Variants in KCNH5 observed in about 807,000 individuals in gnomAD.
KCNH5 encodes the protein potassium voltage-gated channel subfamily H member 5, also known as voltage-gated delayed rectifier potassium channel KCNH5.
A neutral mutation model predicts 96.1 loss-of-function variants in KCNH5; 46 were observed. The observed-to-expected ratio is 0.48, with a 90% CI of 0.38 to 0.61. The LOEUF is 0.61. KCNH5 is among the 20% of genes least tolerant of loss of function. KCNH5 has a pLI of 0.00. For synonymous variants in KCNH5, 439 were observed against 449.8 expected (o/e 0.98, Z 0.30); for missense variants, 907 against 1,225.8 (o/e 0.74, Z 3.88).
At chr14:62,918,420 C>T (rs1889317312) in intron 7 of KCNH5, among the ~76,000 whole-genome samples, 1 of 151,936 alleles carries the variant, frequency 6.6e-6, no homozygotes, top group Non-Finnish European at 1.5e-5. Context: ...TAAATAGTTA[C>T]TAAAATAGGA....
At chr14:62,756,528 C>T (rs931953660) in intron 10 of KCNH5, among the ~76,000 whole-genome samples, 1 of 152,118 alleles carries the variant, frequency 6.6e-6, no homozygotes, top group Non-Finnish European at 1.5e-5. Flanking sequence ...CTGTAGAAAT[C>T]ATATTAACTG....
At chr14:62,981,399 T>A in intron 5 of KCNH5, 135 bp from the exon 6 acceptor site, 2 of 825,818 alleles carry the variant, frequency 2.4e-6, no homozygotes, top group Non-Finnish European at 3.7e-6. Context: ...TGAGTTGTCC[T>A]AAAATTTGTT....
intron 8 of KCNH5, among the ~76,000 whole-genome samples, chr14:62,823,481 C>A (rs1239028450): frequency 6.6e-6 from 1 of 152,022 alleles, no homozygotes; most frequent in Non-Finnish European, 1.5e-5. Flanking sequence ...AAACACCCAG[C>A]AGTCAAATTC....
At chr14:63,026,136 G>A (rs952630587) in intron 1 of KCNH5, among the ~76,000 whole-genome samples, 1 of 152,032 alleles carries the variant, frequency 6.6e-6, no homozygotes. Context: ...TTCAATCAAG[G>A]ATGTTGGGAA....
At chr14:62,948,290 G>C (rs1311142647) in intron 7 of KCNH5, among the ~76,000 whole-genome samples, 1 of 152,084 alleles carries the variant, frequency 6.6e-6, no homozygotes, top group Non-Finnish European at 1.5e-5. Flanking sequence ...ATAAACATAT[G>C]TGTGCATGTG....
At position 62,701,894 on chromosome 14, in the gene KCNH5, A is replaced by G. The variant is rs1884353986; in HGVS notation, c.*5614T>C. 1 of 152,116 alleles carries G rather than the reference A, an allele frequency of 6.6e-6. No individual in the cohort carries two copies. Among genetic ancestry groups the G allele is most frequent in the South Asian group, 2.1e-4 (1 of 4,834 alleles). 9.4% of individuals were successfully genotyped at this position (152,116 alleles called of 1,614,324 possible). On this transcript the variant is annotated 3_prime_UTR_variant, in exon 11 of 11. Transcript: ENST00000322893. ...TTCTAAACAGAAATAGTTCATTTGG[A>G]TAATGTATTTAATAGTGGTTTGGCC...
chr14:63,015,733 A>C (rs1162353962), intron 2 of KCNH5, among the ~76,000 whole-genome samples: 1 of 151,940 alleles, frequency 6.6e-6, no homozygotes, highest in African/African-American at 2.4e-5. Context: ...TGTGGAACCC[A>C]CATATATAAA....
chr14:62,987,214 G>GT, intron 4 of KCNH5, 27 bp from the exon 5 acceptor site: 1 of 1,491,800 alleles, frequency 6.7e-7, no homozygotes, highest in African/African-American at 1.4e-5. Flanking sequence ...GAAAGTCTCA[G>GT]TTTTTCATAC....
At chr14:62,842,292 G>A (rs1887601217) in intron 8 of KCNH5, among the ~76,000 whole-genome samples, 1 of 152,134 alleles carries the variant, frequency 6.6e-6, no homozygotes, top group African/African-American at 2.4e-5. Flanking sequence ...ATAAGCCACT[G>A]GCTGTTATTT....
rs1208059176 is a variant in KCNH5, at chr14:62,932,323, A to T, written c.1369+17810T>A. Among the ~76,000 whole-genome samples, 9 of 152,218 alleles carry T rather than the reference A, an allele frequency of 5.9e-5. No homozygotes were observed. The East Asian group carries it at 1.7e-3, about 29-fold the overall frequency. On this transcript the variant is annotated intron_variant, in intron 7 of 10. Transcript: ENST00000322893. ...TGAAGTGAAAACACAATGCTATGAG[A>T]AGGAACACAGAGAAAAGGCAAGAGC...
rs553282076 is a variant in KCNH5, at chr14:62,905,213, T to A, written c.1369+44920A>T. On this transcript the variant is annotated intron_variant, in intron 7 of 10. Transcript: ENST00000322893. The stretch of plus-strand genomic sequence containing the variant: ...CTCAAAGCCTCCCCAGTTCATTAGA[T>A]CCTTCAGAATACAATTAAACCTCTT... Among the ~76,000 whole-genome samples, 75 of 152,350 alleles carry A rather than the reference T, an allele frequency of 4.9e-4. No homozygotes were observed. In the South Asian group the frequency reaches 7.0e-3, roughly 14 times the overall value.
At chr14:62,809,271 A>C (rs1312970977) in intron 8 of KCNH5, among the ~76,000 whole-genome samples, 1 of 152,132 alleles carries the variant, frequency 6.6e-6, no homozygotes, top group Non-Finnish European at 1.5e-5. Flanking sequence ...TATTTGCTTA[A>C]GTGCAATAAG....
chr14:62,818,315 C>G (rs1297595226), intron 8 of KCNH5, among the ~76,000 whole-genome samples: 1 of 151,946 alleles, frequency 6.6e-6, no homozygotes, highest in Non-Finnish European at 1.5e-5. Flanking sequence ...ACATATATAT[C>G]AAATTCTCAC....
intron 10 of KCNH5, among the ~76,000 whole-genome samples, chr14:62,758,015 T>G (rs1885662317): frequency 1.3e-5 from 2 of 151,850 alleles, no homozygotes; most frequent in Admixed American, 1.3e-4. Flanking sequence ...TGTGGTGGCA[T>G]GCACCTGTAA....
chr14:62,757,208 A>T (rs1885642378), intron 10 of KCNH5, among the ~76,000 whole-genome samples: 1 of 152,226 alleles, frequency 6.6e-6, no homozygotes, highest in African/African-American at 2.4e-5. Context: ...TCAACCAGAG[A>T]AATGCAATGC....
At chr14:62,790,678 T>A (rs1886415438) in intron 9 of KCNH5, among the ~76,000 whole-genome samples, 1 of 151,660 alleles carries the variant, frequency 6.6e-6, no homozygotes, top group African/African-American at 2.4e-5. Context: ...TATAGTTTTC[T>A]GTGTACAGAT....
At chr14:62,718,067 G>A (rs1257504171) in intron 10 of KCNH5, among the ~76,000 whole-genome samples, 13 of 152,180 alleles carry the variant, frequency 8.5e-5, no homozygotes, top group Admixed American at 8.5e-4. Context: ...CTAAACATTG[G>A]GTACACACAG....
intron 8 of KCNH5, among the ~76,000 whole-genome samples, chr14:62,848,828 T>G (rs189414923): frequency 1.3e-5 from 2 of 152,228 alleles, no homozygotes; most frequent in Non-Finnish European, 2.9e-5. Flanking sequence ...AATTATCACG[T>G]GTCAAAAATC....
At chr14:63,016,740 A>T (rs1372377463) in intron 2 of KCNH5, 91 bp downstream of exon 2, 4 of 1,267,970 alleles carry the variant, frequency 3.2e-6, no homozygotes, top group Non-Finnish European at 4.4e-6. Context: ...TATGGTTTGT[A>T]TATGGGAGTC....
Sources: gnomAD v4.1 joint callset for allele counts (sites outside exome capture counted in the v4.1 genomes callset) on GRCh38, gnomAD v4.1.1 for gene constraint, MANE v1.5 for transcripts, NCBI Gene and HGNC (gene_info 2026-07-23, HGNC 2026-07-21) for gene names.